Variants in TSGA10 observed in about 807,000 individuals in gnomAD.
TSGA10 encodes testis-specific gene 10 protein.
A neutral mutation model predicts 96.6 loss-of-function variants in TSGA10; 43 were observed. That is an observed-to-expected ratio of 0.44 (90% CI 0.35 to 0.57). TSGA10 has a LOEUF of 0.57. Ranked by LOEUF, TSGA10 falls within the 20% of genes least tolerant of loss-of-function variation. The pLI is 0.01. For synonymous variants in TSGA10, 229 were observed against 269.9 expected (o/e 0.85, Z 1.48); for missense variants, 703 against 834.4 (o/e 0.84, Z 1.94).
Position 99,141,108 on chromosome 2 carries a change from C to T in TSGA10, c.-621+13585G>A, listed in dbSNP as rs781634496. On this transcript the variant is annotated intron_variant, in intron 1 of 20. Transcript: ENST00000393483. ...CTGGAGCTCCGGGTCCCTCCCCGGG[C>T]TCCTCGGCCCGCCGTCCTGCCCAGA... 47 of 1,284,636 alleles carry T rather than the reference C, an allele frequency of 3.7e-5. No homozygotes were observed. In the Admixed American group the frequency reaches 4.4e-4, roughly 12 times the overall value. 79.6% of individuals were successfully genotyped at this position (1,284,636 alleles called of 1,614,324 possible).
At chr2:99,023,396 CAGAAGG>C (rs2080227103) in intron 17 of TSGA10, among the ~76,000 whole-genome samples, 1 of 151,078 alleles carries the variant, frequency 6.6e-6, no homozygotes, top group Admixed American at 6.6e-5. Context: ...ATTTGCAGCA[CAGAAGG>C]TTTTTTTTTT....
intron 18 of TSGA10, among the ~76,000 whole-genome samples, chr2:99,019,598 G>A (rs2079833640): frequency 6.6e-6 from 1 of 152,268 alleles, no homozygotes; most frequent in Non-Finnish European, 1.5e-5. Context: ...CCCATGTCCT[G>A]ACCTCAGATG....
chr2:99,140,877 A>T (rs922950690), intron 1 of TSGA10, among the ~76,000 whole-genome samples: 7 of 152,126 alleles, frequency 4.6e-5, no homozygotes, highest in Non-Finnish European at 1.0e-4. Flanking sequence ...TAACCTCCCA[A>T]GAAACAGGGG....
At position 99,035,362 on chromosome 2, in the gene TSGA10, A is replaced by G; in HGVS notation, c.1482T>C (p.Leu494=). ...ACACTTTTTCAAACTGAACCTTCTG[A>G]AGCTCCTCTTCCATTTTTACAACAG... The part of the protein sequence containing the change: ...HKSVVKMEEE[L]QKVQFEKVSA... Residue 494 remains leucine (L), a synonymous_variant, in exon 17 of 21, where the codon CTT becomes CTC. Transcript: ENST00000393483. 1 of 1,613,264 alleles carries G rather than the reference A, an allele frequency of 6.2e-7. No individual in the cohort carries two copies. Among genetic ancestry groups the G allele is most frequent in the Non-Finnish European group, 8.5e-7 (1 of 1,179,492 alleles).
At chr2:99,017,543 AT>A (rs2079616401) in intron 20 of TSGA10, among the ~76,000 whole-genome samples, 1 of 152,110 alleles carries the variant, frequency 6.6e-6, no homozygotes, top group Admixed American at 6.5e-5. Flanking sequence ...AGGCAGGCGG[AT>A]CACGAGGTCA....
intron 20 of TSGA10, among the ~76,000 whole-genome samples, chr2:99,016,665 G>T (rs1386952980): frequency 6.6e-6 from 1 of 152,130 alleles, no homozygotes; most frequent in African/African-American, 2.4e-5. Context: ...AAACTAAAAA[G>T]CTTCTGCACA....
intron 2 of TSGA10, among the ~76,000 whole-genome samples, chr2:99,123,343 G>C (rs1186714381): frequency 1.3e-5 from 2 of 151,536 alleles, no homozygotes; most frequent in Non-Finnish European, 2.9e-5. Context: ...CTTTTTTGTC[G>C]AACATAGTTT....
At chr2:99,063,522 A>G (rs1015370130) in intron 16 of TSGA10, among the ~76,000 whole-genome samples, 1 of 152,072 alleles carries the variant, frequency 6.6e-6, no homozygotes, top group Non-Finnish European at 1.5e-5. Context: ...ATCAATATGA[A>G]GGCAGGGTGT....
intron 1 of TSGA10, among the ~76,000 whole-genome samples, chr2:99,129,481 A>C (rs2092974526): frequency 6.6e-6 from 1 of 152,230 alleles, no homozygotes; most frequent in South Asian, 2.1e-4. Flanking sequence ...CCCAGCTAGG[A>C]ATTAAAAATA....
intron 9 of TSGA10, 73 bp downstream of exon 9, chr2:99,105,286 C>T: frequency 7.8e-7 from 1 of 1,285,056 alleles, no homozygotes. Context: ...TCTCTGAATA[C>T]AGAAAAAGGA....
intron 2 of TSGA10, among the ~76,000 whole-genome samples, chr2:99,123,960 G>C (rs563836356): frequency 6.6e-5 from 10 of 152,282 alleles, no homozygotes; most frequent in Non-Finnish European, 1.5e-4. Context: ...GTATCTACTG[G>C]AGTCCGTGTT....
rs781358288 is a variant in TSGA10, at chr2:99,071,848, C to G, written c.965G>C (p.Cys322Ser). 9 of 1,613,876 alleles carry G rather than the reference C, an allele frequency of 5.6e-6. No individual in the cohort carries two copies. The highest frequency in any genetic ancestry group is 7.6e-6 in the Non-Finnish European group (9 of 1,179,854). ...SRQCTEALIV[C>S]EQDVSRMRRQ... ...ACGCATTCTGGAAACGTCTTGTTCACACACAATTAGGGCCTCAGTACACTG... is the reference window on the plus strand; with the variant it reads ...ACGCATTCTGGAAACGTCTTGTTCAGACACAATTAGGGCCTCAGTACACTG... Residue 322 changes from cysteine (C) to serine (S), a missense_variant, in exon 14 of 21, where the codon TGT becomes TCT. Transcript: ENST00000393483.
intron 1 of TSGA10, among the ~76,000 whole-genome samples, chr2:99,136,798 CAAAAAAAAAAAAAAAAAAAAAAAAAAAA>C (rs977980769): frequency 0.015 from 45 of 3,058 alleles, 6 homozygotes; most frequent in East Asian, 0.33. Context: ...GACTCCATCT[CAAAAAAAAAAAAAAAAAAAAAAAAAAAA>C]AAAAAAAAAA....
intron 10 of TSGA10, chr2:99,101,944 A>C (rs2090801852): frequency 1.4e-6 from 1 of 719,478 alleles, no homozygotes; most frequent in South Asian, 1.7e-5. Context: ...GCAACACGAA[A>C]AACTCTAGAG....
intron 20 of TSGA10, among the ~76,000 whole-genome samples, chr2:99,013,167 A>G (rs1573454576): frequency 6.6e-6 from 1 of 152,060 alleles, no homozygotes. Flanking sequence ...ACTAAATGCT[A>G]TGAACTTTTC....
intron 3 of TSGA10, among the ~76,000 whole-genome samples, chr2:99,118,085 A>T (rs114161384): frequency 7.0e-4 from 107 of 152,286 alleles, no homozygotes; most frequent in South Asian, 1.9e-3. Flanking sequence ...AAACTTCAAT[A>T]GCTTTGAAAT....
chr2:99,111,890 G>A (rs141289369), intron 4 of TSGA10, among the ~76,000 whole-genome samples: 1,603 of 151,952 alleles, frequency 0.011, 9 homozygotes, highest in Middle Eastern at 0.027. Context: ...CAGAGTATCT[G>A]GTATGACACA....
At chr2:99,044,391 C>G (rs1313068883) in intron 16 of TSGA10, among the ~76,000 whole-genome samples, 1 of 150,744 alleles carries the variant, frequency 6.6e-6, no homozygotes, top group East Asian at 1.9e-4. Context: ...ATTTTAATCT[C>G]TGATAAAACA....
At position 99,059,678 on chromosome 2, in the gene TSGA10, G is replaced by A. The variant is rs1246329237; in HGVS notation, c.1404+5261C>T. ...CACACAACTTTAAGTAAACTTGTAAGACAAGGGAATGTTTTCAACTTGACA... is the reference window on the plus strand; with the variant it reads ...CACACAACTTTAAGTAAACTTGTAAAACAAGGGAATGTTTTCAACTTGACA... On this transcript the variant is annotated intron_variant, in intron 16 of 20. Transcript: ENST00000393483. Among the ~76,000 whole-genome samples the A allele has an allele frequency of 2.0e-5, 3 of 150,678 alleles. No homozygotes were observed. In the South Asian group the frequency reaches 6.3e-4, roughly 32 times the overall value.
Sources: gnomAD v4.1 joint callset for allele counts (sites outside exome capture counted in the v4.1 genomes callset) on GRCh38, gnomAD v4.1.1 for gene constraint, MANE v1.5 for transcripts, NCBI Gene and HGNC (gene_info 2026-07-23, HGNC 2026-07-21) for gene names.